Variants in PCBP3 observed in about 807,000 individuals in gnomAD.
PCBP3 encodes poly(rC)-binding protein 3.
A neutral mutation model predicts 52.7 loss-of-function variants in PCBP3; 25 were observed. The observed-to-expected ratio is 0.47, with a 90% CI of 0.35 to 0.66. The LOEUF is 0.66. Among genes scored for constraint, PCBP3 ranks in the 30% least tolerant of loss-of-function variants. PCBP3 has a pLI of 0.01. For synonymous variants in PCBP3, 162 were observed against 183.0 expected (o/e 0.89, Z 0.93); for missense variants, 391 against 490.3 (o/e 0.80, Z 1.91).
At chr21:45,866,374 G>A (rs1400558492) in intron 5 of PCBP3, among the ~76,000 whole-genome samples, 1 of 152,210 alleles carries the variant, frequency 6.6e-6, no homozygotes, top group Non-Finnish European at 1.5e-5. Context: ...GCAAGGAAAT[G>A]ACACAGGGCC....
intron 1 of PCBP3, among the ~76,000 whole-genome samples, chr21:45,660,550 C>G (rs927750282): frequency 2.6e-5 from 4 of 152,174 alleles, no homozygotes; most frequent in African/African-American, 9.7e-5. Context: ...TACTCCATTA[C>G]TGACTTTGTG....
chr21:45,719,382 C>T (rs750411677), intron 2 of PCBP3, among the ~76,000 whole-genome samples: 10 of 152,202 alleles, frequency 6.6e-5, no homozygotes, highest in East Asian at 1.9e-4. Flanking sequence ...AAGCCATACC[C>T]GGTGGCAGGA....
intron 4 of PCBP3, among the ~76,000 whole-genome samples, chr21:45,778,685 T>C (rs532656305): frequency 1.3e-5 from 2 of 152,206 alleles, no homozygotes; most frequent in African/African-American, 4.8e-5. Flanking sequence ...GCACCCACAA[T>C]GGTGGATTGG....
rs750240837 is a variant in PCBP3, at chr21:45,704,204, T to C, written c.-199-31188T>C. Among the ~76,000 whole-genome samples, 1 of 152,148 alleles carries C rather than the reference T, an allele frequency of 6.6e-6. No homozygotes were observed. The highest frequency in any genetic ancestry group is 2.4e-5 in the African/African-American group (1 of 41,424). On this transcript the variant is annotated intron_variant, in intron 2 of 17. Coordinates refer to ENST00000681687, the MANE Select transcript of PCBP3 (RefSeq NM_001384156.1). The surrounding 1 kb of genome is among the most constrained non-coding windows in gnomAD (Gnocchi z 4.1). ...GGGTGGTGGTGAAGGTCATATCAGA[T>C]GCTGGGGATGGCTCCAAGGAGACTC...
At chr21:45,876,488 C>G (rs1271373773) in intron 5 of PCBP3, among the ~76,000 whole-genome samples, 1 of 152,164 alleles carries the variant, frequency 6.6e-6, no homozygotes, top group Non-Finnish European at 1.5e-5. Context: ...TCTGCCTTGA[C>G]GCTGAGTAGC....
In PCBP3 at chr21:45,917,899, A is replaced by G. The variant is rs1345458597; in HGVS notation, c.717+270A>G. ...TTTCCTCCCTCCCACGGGGCCTGGG[A>G]GGGAACTGAGACGGGCTCTGTCCCC... On this transcript the variant is annotated intron_variant, in intron 13 of 17. Transcript: ENST00000681687. This position sits in a 1 kb window ranked among gnomAD's most constrained non-coding sequence, Gnocchi z 5.3. 1 of 495,866 alleles carries G rather than the reference A, an allele frequency of 2.0e-6. No homozygotes were observed. Among genetic ancestry groups the G allele is most frequent in the Non-Finnish European group, 3.7e-6 (1 of 266,876 alleles). The allele number at this position is 495,866 out of a possible 1,614,324, so 30.7% of individuals were successfully genotyped here. A position where few individuals can be genotyped will look rare whatever the true frequency, so the allele number is the denominator to read the frequency against.
At chr21:45,832,770 G>A (rs2093483597) in intron 4 of PCBP3, 1 of 152,184 alleles carries the variant, frequency 6.6e-6, no homozygotes, top group Admixed American at 6.5e-5. Flanking sequence ...AATTTATAAA[G>A]GAAAGAGGTT....
In PCBP3 at chr21:45,853,944, A is replaced by G. The variant is rs1164285731; in HGVS notation, c.10+3849A>G. ...CAGGAAGCGGTGGTGCCGACGTGTC[A>G]TAAACTGATATCCGCATCTCAGCCT... On this transcript the variant is annotated intron_variant, in intron 5 of 17. Coordinates refer to ENST00000681687, the MANE Select transcript of PCBP3 (RefSeq NM_001384156.1). The surrounding 1 kb of genome is among the most constrained non-coding windows in gnomAD (Gnocchi z 4.6). 6.6e-6 allele frequency: 1 copy of G among 152,124 alleles called. No homozygotes were observed. Among genetic ancestry groups the G allele is most frequent in the Admixed American group, 6.6e-5 (1 of 15,258 alleles). The allele number at this position is 152,124 out of a possible 1,614,324, so 9.4% of individuals were successfully genotyped here.
chr21:45,751,947 A>T (rs563833126), intron 3 of PCBP3, among the ~76,000 whole-genome samples: 2 of 152,144 alleles, frequency 1.3e-5, no homozygotes, highest in Non-Finnish European at 2.9e-5. Flanking sequence ...TGTATTTTGT[A>T]CATTTTTCTA....
At position 45,821,058 on chromosome 21, in the gene PCBP3, G is replaced by A. The variant is rs1330046599; in HGVS notation, c.-125-28903G>A. Among the ~76,000 whole-genome samples the A allele has an allele frequency of 6.6e-6, 1 of 152,224 alleles. No homozygotes were observed. The highest frequency in any genetic ancestry group is 1.5e-5 in the Non-Finnish European group (1 of 68,038). ...TTCTGCAAAGCACCCTTGTCTTGCA[G>A]AGCCAGCGAGCCTGGCGTTGTGACC... On this transcript the variant is annotated intron_variant, in intron 4 of 17. Transcript: ENST00000681687. The surrounding 1 kb of genome is among the most constrained non-coding windows in gnomAD (Gnocchi z 4.4).
intron 2 of PCBP3, among the ~76,000 whole-genome samples, chr21:45,679,252 C>T (rs1017091043): frequency 1.3e-4 from 19 of 151,960 alleles, no homozygotes; most frequent in African/African-American, 4.4e-4. Flanking sequence ...TCCTGAGTAG[C>T]TGGGATTATA....
intron 1 of PCBP3, among the ~76,000 whole-genome samples, chr21:45,667,996 G>C (rs1435015844): frequency 6.6e-6 from 1 of 152,130 alleles, no homozygotes; most frequent in Non-Finnish European, 1.5e-5. Flanking sequence ...TTAAATGCCT[G>C]GAATCAGTGA....
At chr21:45,780,417 T>C (rs2090554287) in intron 4 of PCBP3, among the ~76,000 whole-genome samples, 1 of 152,280 alleles carries the variant, frequency 6.6e-6, no homozygotes, top group African/African-American at 2.4e-5. Context: ...GTTTACAGTA[T>C]ACTTTAATGG....
intron 15 of PCBP3, 24 bp downstream of exon 15, chr21:45,930,869 G>A (rs372650572): frequency 6.2e-7 from 1 of 1,612,686 alleles, no homozygotes; most frequent in East Asian, 2.2e-5. Context: ...ACACTGACAG[G>A]AGAACAGGCC....
At chr21:45,684,414 C>T (rs2082034514) in intron 2 of PCBP3, among the ~76,000 whole-genome samples, 1 of 152,044 alleles carries the variant, frequency 6.6e-6, no homozygotes, top group Admixed American at 6.6e-5. Context: ...GATATTTGTC[C>T]TTTCCAAATC....
intron 1 of PCBP3, among the ~76,000 whole-genome samples, chr21:45,654,855 T>A (rs893042089): frequency 5.9e-5 from 9 of 152,176 alleles, no homozygotes; most frequent in South Asian, 2.1e-4. Flanking sequence ...AGAAACCTCA[T>A]ACACAGTAAC....
intron 3 of PCBP3, among the ~76,000 whole-genome samples, chr21:45,747,559 A>C (rs1203022871): frequency 6.6e-6 from 1 of 152,188 alleles, no homozygotes; most frequent in African/African-American, 2.4e-5. Flanking sequence ...GATGGGCAGC[A>C]CTATTTCACT....
intron 4 of PCBP3, among the ~76,000 whole-genome samples, chr21:45,823,463 C>T (rs903541139): frequency 3.3e-5 from 5 of 152,316 alleles, no homozygotes; most frequent in East Asian, 3.9e-4. Flanking sequence ...CCACCCCAGG[C>T]GTGGACTTTC....
At position 45,898,360 on chromosome 21, in the gene PCBP3, G is replaced by GCACACC. The variant is rs1569466637; in HGVS notation, c.166-1239_166-1238insCACACC. On this transcript the variant is annotated intron_variant, in intron 6 of 17. Transcript: ENST00000681687. ...GCCTCCCTCTGCACACCATCCTCAT[G>GCACACC]GTCTCCCTCTGCACACCGTCCTCAC... Among the ~76,000 whole-genome samples, 34 of 37,058 alleles carry GCACACC rather than the reference G, an allele frequency of 9.2e-4. 3 individuals carry two copies. Among genetic ancestry groups the GCACACC allele is most frequent in the African/African-American group, 4.2e-3 (27 of 6,364 alleles). The allele number at this position is 37,058 out of a possible 152,430, so 24.3% of individuals were successfully genotyped here. A position where few individuals can be genotyped will look rare whatever the true frequency, so the allele number is the denominator to read the frequency against.
Sources: gnomAD v4.1 joint callset for allele counts (sites outside exome capture counted in the v4.1 genomes callset) on GRCh38, gnomAD v4.1.1 for gene constraint, Gnocchi (gnomAD v3.1) non-coding constraint, MANE v1.5 for transcripts, NCBI Gene and HGNC (gene_info 2026-07-23, HGNC 2026-07-21) for gene names.